Variants in DCC observed in about 807,000 individuals in gnomAD.
The protein encoded by DCC is netrin receptor DCC.
DCC carries 58 observed loss-of-function variants against 172.5 expected under a neutral mutation model. That is an observed-to-expected ratio of 0.34 (90% CI 0.27 to 0.42). The LOEUF (loss-of-function observed/expected upper bound fraction) is 0.42, where lower values mean the gene tolerates loss of function less well. DCC is among the 10% of genes least tolerant of loss of function. The pLI is 1.00. For synonymous variants in DCC, 709 were observed against 644.5 expected (o/e 1.10, Z -1.52); for missense variants, 1,740 against 1,791.0 (o/e 0.97, Z 0.51).
At chr18:53,303,148 C>T (rs1243846890) in intron 12 of DCC, among the ~76,000 whole-genome samples, 2 of 152,162 alleles carry the variant, frequency 1.3e-5, no homozygotes, top group South Asian at 2.1e-4. Context: ...GTTACCTTTT[C>T]TCTCCCATTT....
chr18:53,083,336 T>G (rs1389940178), intron 7 of DCC, among the ~76,000 whole-genome samples: 2 of 152,162 alleles, frequency 1.3e-5, no homozygotes, highest in African/African-American at 4.8e-5. Context: ...AGTAAAATTT[T>G]TGATGTCTAA....
At chr18:53,456,708 C>T (rs2045487332) in intron 23 of DCC, among the ~76,000 whole-genome samples, 1 of 152,154 alleles carries the variant, frequency 6.6e-6, no homozygotes, top group African/African-American at 2.4e-5. Context: ...GCTGATGCCT[C>T]TGGTTTAGAG....
intron 15 of DCC, among the ~76,000 whole-genome samples, chr18:53,354,964 A>G (rs2057860339): frequency 6.6e-6 from 1 of 152,066 alleles, no homozygotes; most frequent in Admixed American, 6.6e-5. Flanking sequence ...AGGTGTAAGG[A>G]AGGGATCCGG....
At chr18:52,457,756 G>A (rs1431886900) in intron 1 of DCC, among the ~76,000 whole-genome samples, 10 of 152,262 alleles carry the variant, frequency 6.6e-5, no homozygotes. Context: ...CAACTCACAT[G>A]ACTTATTTCA....
At chr18:52,595,047 A>T (rs982371785) in intron 1 of DCC, among the ~76,000 whole-genome samples, 4 of 152,200 alleles carry the variant, frequency 2.6e-5, no homozygotes, top group African/African-American at 4.8e-5. Context: ...TTTCTACTGT[A>T]AAGACTTTAG....
At chr18:53,233,624 G>A (rs1290645035) in intron 12 of DCC, among the ~76,000 whole-genome samples, 1 of 152,042 alleles carries the variant, frequency 6.6e-6, no homozygotes, top group Non-Finnish European at 1.5e-5. Context: ...TGTTTATTCT[G>A]CTAAACTATA....
intron 1 of DCC, among the ~76,000 whole-genome samples, chr18:52,395,077 T>C (rs1406343302): frequency 6.6e-6 from 1 of 152,080 alleles, no homozygotes. Flanking sequence ...AAGCCAAAGC[T>C]ACTGATGAAG....
At chr18:53,032,021 T>A (rs2042032426) in intron 5 of DCC, among the ~76,000 whole-genome samples, 2 of 152,158 alleles carry the variant, frequency 1.3e-5, no homozygotes. Context: ...TAGCAGATGG[T>A]GTGATTTTGT....
intron 5 of DCC, among the ~76,000 whole-genome samples, chr18:52,958,858 AAGTAAGGATTTAG>A (rs367777001): frequency 1.3e-5 from 2 of 152,240 alleles, no homozygotes; most frequent in African/African-American, 4.8e-5. Context: ...TTGAAGCTAG[AAGTAAGGATTTAG>A]AGCAAGCTTG....
chr18:53,414,045 T>C (rs17507444), intron 20 of DCC, among the ~76,000 whole-genome samples: 65,633 of 152,018 alleles, frequency 0.43, 15,996 homozygotes, highest in Non-Finnish European at 0.56. Context: ...ATAAAATGTA[T>C]TTGAGAAGCC....
chr18:53,076,238 T>C (rs2144121257), intron 7 of DCC, among the ~76,000 whole-genome samples: 1 of 152,300 alleles, frequency 6.6e-6, no homozygotes, highest in Admixed American at 6.5e-5. Context: ...TTAGGACTTC[T>C]GAGTCTACAA....
chr18:52,670,359 A>C (rs1259305317), intron 1 of DCC, among the ~76,000 whole-genome samples: 1 of 152,220 alleles, frequency 6.6e-6, no homozygotes, highest in Non-Finnish European at 1.5e-5. Context: ...GATGGACTTA[A>C]GTGACTCAGT....
chr18:53,522,281 G>GAA (rs11336516), intron 27 of DCC, among the ~76,000 whole-genome samples: 5 of 139,914 alleles, frequency 3.6e-5, no homozygotes, highest in Admixed American at 7.2e-5. Context: ...CAGAAGTTTG[G>GAA]AAAAAAAAAA....
intron 12 of DCC, among the ~76,000 whole-genome samples, chr18:53,223,339 G>A (rs1469202157): frequency 6.6e-6 from 1 of 152,104 alleles, no homozygotes; most frequent in East Asian, 1.9e-4. Context: ...TAAAATATAT[G>A]ATAGAATACC....
At chr18:53,091,718 C>T (rs1440152341) in intron 7 of DCC, among the ~76,000 whole-genome samples, 2 of 151,924 alleles carry the variant, frequency 1.3e-5, no homozygotes, top group African/African-American at 2.4e-5. Context: ...AAAGCCTCAC[C>T]TCCTAATATG....
intron 5 of DCC, among the ~76,000 whole-genome samples, chr18:52,977,464 T>C (rs531080379): frequency 2.6e-5 from 4 of 152,316 alleles, no homozygotes; most frequent in East Asian, 3.9e-4. Context: ...GATTCTTCAT[T>C]GATCTCAGTG....
At chr18:52,355,408 C>A (rs1489058837) in intron 1 of DCC, among the ~76,000 whole-genome samples, 2 of 152,072 alleles carry the variant, frequency 1.3e-5, no homozygotes, top group Non-Finnish European at 2.9e-5. Context: ...CACGTGGGTG[C>A]AAATCTTGGC....
intron 1 of DCC, among the ~76,000 whole-genome samples, chr18:52,707,088 G>A (rs2036223970): frequency 6.6e-6 from 1 of 152,168 alleles, no homozygotes; most frequent in South Asian, 2.1e-4. Context: ...AACTGGATAT[G>A]GGAGAAGTGG....
At chr18:53,204,554 A>G (rs992783185) in intron 9 of DCC, among the ~76,000 whole-genome samples, 16 of 144,966 alleles carry the variant, frequency 1.1e-4, no homozygotes, top group Admixed American at 6.7e-4. Flanking sequence ...TTCTGGAAAA[A>G]AAAAAAAAAA....
Sources: allele counts gnomAD v4.1 joint callset (sites outside exome capture counted in the v4.1 genomes callset), GRCh38; gene constraint gnomAD v4.1.1; transcripts MANE v1.5; gene names NCBI Gene and HGNC (gene_info 2026-07-23, HGNC 2026-07-21).